The following TMEM132B variants were observed in gnomAD, a reference collection of about 807,000 sequenced individuals.
The protein encoded by TMEM132B is transmembrane protein 132B.
Under a neutral mutation model 90.8 loss-of-function variants are expected in TMEM132B, and 18 were observed. That is an observed-to-expected ratio of 0.20 (90% confidence interval 0.14 to 0.29). The LOEUF (loss-of-function observed/expected upper bound fraction) is 0.29. Ranked by LOEUF, TMEM132B falls within the 10% of genes least tolerant of loss-of-function variation. The pLI, the probability that TMEM132B is intolerant of heterozygous loss-of-function variation, is 1.00. For synonymous variants in TMEM132B, 504 were observed against 523.3 expected, an observed-to-expected ratio of 0.96 and a Z score of 0.50; for missense variants, 1,096 against 1,326.8, an observed-to-expected ratio of 0.83 and a Z score of 2.70.
chr12:125,362,536 G>T (rs11058152), intron 2 of TMEM132B, among the ~76,000 whole-genome samples: 2 of 152,100 alleles, frequency 1.3e-5, no homozygotes, highest in South Asian at 2.1e-4. Context: ...AACTACATGC[G>T]CACTATTGGA....
chr12:125,461,802 G>A (rs1881442840), intron 3 of TMEM132B, among the ~76,000 whole-genome samples: 1 of 152,194 alleles, frequency 6.6e-6, no homozygotes, highest in African/African-American at 2.4e-5. Flanking sequence ...GCGCTGCCAG[G>A]CCACCCTTGC....
chr12:125,625,650 T>G (rs1364812947), intron 5 of TMEM132B, among the ~76,000 whole-genome samples: 2 of 152,254 alleles, frequency 1.3e-5, no homozygotes, highest in Non-Finnish European at 1.5e-5. Flanking sequence ...TGTGCAAACG[T>G]GTTCTCAGTT....
rs373314609 is a variant in TMEM132B, at chr12:125,250,833, C to T, written c.67+63967C>T. Among the ~76,000 whole-genome samples, 73 of 152,318 alleles carry T rather than the reference C, an allele frequency of 4.8e-4. 1 individual carries two copies. In the South Asian group the frequency reaches 0.011, roughly 23 times the overall value. On this transcript the variant is annotated intron_variant, in intron 1 of 8. Coordinates refer to ENST00000682704, the MANE Select transcript of TMEM132B (RefSeq NM_001366854.1). ...TCAGGAGCCTGCAGGCCCCTGCCCA[C>T]GGTCTGCTGGGTAAAAGGAAGTGGC...
chr12:125,618,601 G>A (rs1193480634), intron 5 of TMEM132B, among the ~76,000 whole-genome samples: 2 of 152,242 alleles, frequency 1.3e-5, no homozygotes, highest in South Asian at 4.1e-4. Flanking sequence ...TTCTTAAATC[G>A]ATGCCTCCTT....
At chr12:125,451,018 T>C (rs578019167) in intron 3 of TMEM132B, among the ~76,000 whole-genome samples, 4 of 152,252 alleles carry the variant, frequency 2.6e-5, no homozygotes, top group Non-Finnish European at 5.9e-5. Flanking sequence ...TGTTGTACTC[T>C]TCAAAAGTGT....
chr12:125,542,510 C>T (rs1883984093), intron 4 of TMEM132B, among the ~76,000 whole-genome samples: 1 of 152,156 alleles, frequency 6.6e-6, no homozygotes, highest in African/African-American at 2.4e-5. Context: ...TTCCTCTTTC[C>T]TTTCAGTCCC....
At chr12:125,264,278 C>A (rs1488503925) in intron 1 of TMEM132B, among the ~76,000 whole-genome samples, 1 of 152,186 alleles carries the variant, frequency 6.6e-6, no homozygotes, top group Admixed American at 6.5e-5. Flanking sequence ...CCATGGTAAT[C>A]CAGGATATCC....
chr12:125,229,924 T>G (rs376623085), intron 1 of TMEM132B, among the ~76,000 whole-genome samples: 22 of 152,366 alleles, frequency 1.4e-4, no homozygotes, highest in African/African-American at 5.3e-4. Context: ...CCTAAGGGCA[T>G]GTGCCCATTC....
intron 3 of TMEM132B, among the ~76,000 whole-genome samples, chr12:125,435,527 C>T (rs1412872920): frequency 1.3e-5 from 2 of 152,318 alleles, no homozygotes; most frequent in East Asian, 3.9e-4. Context: ...TTTATTCCTT[C>T]AGCGCGTATT....
At chr12:125,339,120 A>G (rs781175937) in intron 1 of TMEM132B, among the ~76,000 whole-genome samples, 57 of 152,228 alleles carry the variant, frequency 3.7e-4, no homozygotes, top group Non-Finnish European at 7.2e-4. Context: ...GTTAACTTGG[A>G]AGGTGGAAAG....
chr12:125,230,834 G>C (rs1040948133), intron 1 of TMEM132B, among the ~76,000 whole-genome samples: 2 of 152,032 alleles, frequency 1.3e-5, no homozygotes, highest in Non-Finnish European at 2.9e-5. Flanking sequence ...TGCTGAGCAC[G>C]CTAGAGTTCA....
chr12:125,249,104 C>T (rs1020596974), intron 1 of TMEM132B, among the ~76,000 whole-genome samples: 2 of 152,172 alleles, frequency 1.3e-5, no homozygotes, highest in Admixed American at 6.5e-5. Flanking sequence ...ATCGGTAAGA[C>T]TTGTGCTAAT....
At chr12:125,348,771 G>A (rs576196510) in intron 1 of TMEM132B, among the ~76,000 whole-genome samples, 11 of 152,338 alleles carry the variant, frequency 7.2e-5, no homozygotes, top group Non-Finnish European at 1.6e-4. Flanking sequence ...GTTAGGAAGT[G>A]GCAAAGCCAG....
At chr12:125,228,691 T>A (rs1186600701) in intron 1 of TMEM132B, among the ~76,000 whole-genome samples, 1 of 152,080 alleles carries the variant, frequency 6.6e-6, no homozygotes, top group Non-Finnish European at 1.5e-5. Flanking sequence ...GCAGCAGACG[T>A]CACTGGTGCC....
At chr12:125,323,509 C>CTTTG (rs35532606) in intron 1 of TMEM132B, among the ~76,000 whole-genome samples, 94,514 of 151,082 alleles carry the variant, frequency 0.63, 30,216 homozygotes, top group East Asian at 0.79. Context: ...CTCTCAGCTT[C>CTTTG]TTTGTTTGTT....
chr12:125,493,121 A>G lies in TMEM132B; in HGVS notation c.1107-26318A>G, dbSNP rs1273904924. ...GGCCTGGCGCTCCACACCTTAGCTC[A>G]TGCAGTCCTCAAAACCACACTGGGA... On this transcript the variant is annotated intron_variant, in intron 3 of 8. Transcript: ENST00000682704. 7.2e-5 allele frequency among the ~76,000 whole-genome samples: 11 copies of G among 152,218 alleles called. No homozygotes were observed. In the East Asian group the frequency reaches 2.1e-3, roughly 30 times the overall value.
chr12:125,586,826 A>T (rs1440357915), intron 5 of TMEM132B: 1 of 152,214 alleles, frequency 6.6e-6, no homozygotes, highest in Non-Finnish European at 1.5e-5. Flanking sequence ...GCTTCTTTTA[A>T]GTGAAAAGGT....
In TMEM132B at chr12:125,209,004, C is replaced by T. The variant is rs1039587077; in HGVS notation, c.67+22138C>T. 1.3e-4 allele frequency among the ~76,000 whole-genome samples: 20 copies of T among 152,258 alleles called. No homozygotes were observed. The South Asian group carries it at 2.5e-3, about 19-fold the overall frequency. On this transcript the variant is annotated intron_variant, in intron 1 of 8. Transcript: ENST00000682704. The surrounding 1 kb of genome is among the most constrained non-coding windows in gnomAD (Gnocchi z 4.4). ...AGTGCTGCGTCCCCTCTGAGTGCTG[C>T]GGCCACTCGAATGTCAACTGAGCCC...
intron 4 of TMEM132B, among the ~76,000 whole-genome samples, chr12:125,545,151 G>A (rs2136741638): frequency 6.6e-6 from 1 of 152,326 alleles, no homozygotes; most frequent in African/African-American, 2.4e-5. Context: ...CCAGGCTGCT[G>A]AACTGGGTCA....
Sources: allele counts gnomAD v4.1 joint callset (sites outside exome capture counted in the v4.1 genomes callset), GRCh38; gene constraint gnomAD v4.1.1; non-coding constraint Gnocchi (gnomAD v3.1); transcripts MANE v1.5; gene names NCBI Gene and HGNC (gene_info 2026-07-23, HGNC 2026-07-21).